TRIM47: variants seen among roughly 807,000 people sequenced by gnomAD.
TRIM47 encodes tripartite motif containing 47, also known as E3 ubiquitin-protein ligase TRIM47.
In TRIM47, 46 loss-of-function variants were observed where a neutral mutation model predicts 54.4. The observed-to-expected ratio is 0.84, with a 90% CI of 0.67 to 1.08. The LOEUF (loss-of-function observed/expected upper bound fraction) is 1.08, where lower values mean the gene tolerates loss of function less well. Ranked by LOEUF, TRIM47 falls within the 50% of genes least tolerant of loss-of-function variation. The pLI, the probability that TRIM47 is intolerant of heterozygous loss-of-function variation, is 0.00. For missense variants in TRIM47, 825 were observed against 910.1 expected (o/e 0.91, Z 1.20); for synonymous variants, 392 against 410.2 (o/e 0.96, Z 0.54).
chr17:75,875,252 G>A lies in TRIM47; in HGVS notation c.1277-129C>T, dbSNP rs968205459. ...TTTCCAACCGGCACAACCCAGCCCC[G>A]CCGGGGACCACCCCAGGAGCTGCCC... is the stretch of plus-strand genomic sequence containing the variant. On this transcript the variant is annotated intron_variant, in intron 5 of 5. Coordinates refer to ENST00000254816, the MANE Select transcript of TRIM47 (RefSeq NM_033452.3). This position sits in a 1 kb window ranked among gnomAD's most constrained non-coding sequence, Gnocchi z 6.1. The A allele has an allele frequency of 2.1e-5, 23 of 1,096,436 alleles. No individual in the cohort carries two copies. The highest frequency in any genetic ancestry group is 3.5e-4 in the Middle Eastern group (1 of 2,844). The allele number at this position is 1,096,436 out of a possible 1,614,324, so 67.9% of individuals were successfully genotyped here.
intron 1 of TRIM47, 98 bp from the exon 2 acceptor site, chr17:75,876,911 G>T: frequency 8.5e-7 from 1 of 1,182,330 alleles, no homozygotes; most frequent in South Asian, 1.3e-5. Flanking sequence ...GGGTGACTGG[G>T]GAGTGGTATC....
Position 75,874,805 on chromosome 17 carries a change from C to T in TRIM47, c.1595G>A (p.Trp532Ter), listed in dbSNP as rs1567834255. 4 of 1,614,086 alleles carry T rather than the reference C, an allele frequency of 2.5e-6. No individual in the cohort carries two copies. The highest frequency in any genetic ancestry group is 3.4e-6 in the Non-Finnish European group (4 of 1,180,028). ...LQWNGRSFSV[W>*]FHGLEAPLPH... is the part of the protein sequence containing the mutation. ...CAGGGGAGCCTCCAGCCCATGAAAC[C>T]AGACGGAGAAGCTGCGTCCATTCCA... The change falls in exon 6 of 6, where the codon TGG (tryptophan) becomes TAG (stop). Residue 532 changes from tryptophan to a stop codon, truncating the protein, a stop_gained. Transcript: ENST00000254816. LOFTEE classifies it high-confidence loss of function. The surrounding 1 kb of genome is among the most constrained non-coding windows in gnomAD (Gnocchi z 6.2).
Position 75,878,204 on chromosome 17 carries a change from G to C in TRIM47, c.345C>G (p.Cys115Trp). 8.1e-7 allele frequency: 1 copy of C among 1,227,898 alleles called. No homozygotes were observed. Among genetic ancestry groups the C allele is most frequent in the Non-Finnish European group, 1.0e-6 (1 of 985,796 alleles). 76.1% of individuals were successfully genotyped at this position (1,227,898 alleles called of 1,614,324 possible). A position where few individuals can be genotyped will look rare whatever the true frequency, so the allele number is the denominator to read the frequency against. Residue 115 changes from cysteine to tryptophan, a missense_variant, in exon 1 of 6, where the codon TGC (cysteine) becomes TGG (tryptophan). By Grantham distance (215) the Cys-to-Trp change is radical. Coordinates refer to ENST00000254816, the MANE Select transcript of TRIM47 (RefSeq NM_033452.3). ...CGCCCGCGGGCCACGGCTCGGGAGC[G>C]CAGGGGGCCGACGGCTCCGGGACAC... ...LPSVPEPSAP[C>W]APEPWPAGEE...
rs775556418 is a variant in TRIM47, at chr17:75,875,929, C to T, written c.1173G>A (p.Glu391=). ...CCGAGTCCAGCTTCTGTGGCCCATC[C>T]TCGTTGCCACCCGGCCCCCTCAGCT... is the stretch of plus-strand genomic sequence containing the variant. ...WEQLRGPGGN[E]DGPQKLDSEA... The change falls in exon 4 of 6, where the codon GAG becomes GAA. Residue 391 remains glutamate, a synonymous_variant. Transcript: ENST00000254816. The surrounding 1 kb of genome is among the most constrained non-coding windows in gnomAD (Gnocchi z 6.1). The T allele has an allele frequency of 3.1e-6, 5 of 1,612,158 alleles. No individual in the cohort carries two copies. Among genetic ancestry groups the T allele is most frequent in the Non-Finnish European group, 4.2e-6 (5 of 1,179,900 alleles).
chr17:75,876,064 C>T lies in TRIM47; in HGVS notation c.1038G>A (p.Gly346=), dbSNP rs1567835138. 6.2e-7 allele frequency: 1 copy of T among 1,601,940 alleles called. No homozygotes were observed. The highest frequency in any genetic ancestry group is 8.5e-7 in the Non-Finnish European group (1 of 1,179,974). Residue 346 remains glycine (G), a synonymous_variant, in exon 4 of 6, where the codon GGG becomes GGA. Transcript: ENST00000254816. The part of the protein sequence containing the change: ...LLALRLALED[G]CGPGPGPPRE... ...TCGGGGGTCCAGGCCCAGGGCCACA[C>T]CCATCCTCCAGGGCCAGCCTTAGTG... is the stretch of plus-strand genomic sequence containing the variant.
At position 75,876,500 on chromosome 17, in the gene TRIM47, G is replaced by T; in HGVS notation, c.772-8C>A. 1 of 1,591,848 alleles carries T rather than the reference G, an allele frequency of 6.3e-7. No homozygotes were observed. Among genetic ancestry groups the T allele is most frequent in the Non-Finnish European group, 8.5e-7 (1 of 1,170,776 alleles). On this transcript the variant is annotated splice_region_variant and splice_polypyrimidine_tract_variant and intron_variant, in intron 2 of 5. Transcript: ENST00000254816. The stretch of plus-strand genomic sequence containing the variant: ...CTCTGCTACGGCTGCACTCTGCACA[G>T]GACGACAGTAGAGGGGGCAATGAGG...
Position 75,876,394 on chromosome 17 carries a change from C to G in TRIM47, c.870G>C (p.Glu290Asp). Residue 290 changes from glutamate (E) to aspartate (D), a missense_variant, in exon 3 of 6, where the codon GAG (glutamate) becomes GAC (aspartate). Physicochemically the swap from Glu to Asp is conservative, Grantham distance 45 (BLOSUM62 2). Transcript: ENST00000254816. ...GGCCTAGCATGGCAGCTTCCCCCTC[C>G]TCGATGAAGCCCAGCACCTGGGTCT... is the stretch of plus-strand genomic sequence containing the variant. ...GFQTQVLGFI[E>D]EGEAAMLGRS... The G allele has an allele frequency of 6.2e-7, 1 of 1,612,380 alleles. No homozygotes were observed. The highest frequency in any genetic ancestry group is 1.7e-5 in the Admixed American group (1 of 60,018).
chr17:75,877,163 G>T (rs2065140764), intron 1 of TRIM47: 1 of 315,098 alleles, frequency 3.2e-6, no homozygotes, highest in Non-Finnish European at 6.1e-6. Flanking sequence ...GTTGGGAGGT[G>T]GGCGGCGGAG....
rs758678437 is a variant in TRIM47, at chr17:75,875,965, G to A, written c.1137C>T (p.Asn379=). Residue 379 remains asparagine, a synonymous_variant, in exon 4 of 6, where the codon AAC becomes AAT. Coordinates refer to ENST00000254816, the MANE Select transcript of TRIM47 (RefSeq NM_033452.3). The surrounding 1 kb of genome is among the most constrained non-coding windows in gnomAD (Gnocchi z 6.1). ...CCGGCCCCCTCAGCTGCTCCCACTGGTTGACGCAGGCCACGGCCAGCATGT... is the reference window on the plus strand; with the variant it reads ...CCGGCCCCCTCAGCTGCTCCCACTGATTGACGCAGGCCACGGCCAGCATGT... ...VRDMLAVACV[N]QWEQLRGPGG... 6.2e-7 allele frequency: 1 copy of A among 1,609,926 alleles called. No homozygotes were observed. Among genetic ancestry groups the A allele is most frequent in the Non-Finnish European group, 8.5e-7 (1 of 1,180,016 alleles).
Position 75,878,068 on chromosome 17 carries a change from G to A in TRIM47, c.481C>T (p.Arg161Cys), listed in dbSNP as rs1426074068. Reference sequence around the variant, plus strand: ...CGGTGTCCGCGGAGGGCGGGGCTGCGCTCGTGCGGGCCCAGGTGCGCGGGG... The same window carrying A: ...CGGTGTCCGCGGAGGGCGGGGCTGCACTCGTGCGGGCCCAGGTGCGCGGGG... Reference protein sequence around the residue: ...FCPAHLGPHERSPALRGHRLV... With the variant: ...FCPAHLGPHECSPALRGHRLV... Residue 161 changes from arginine to cysteine, a missense_variant, in exon 1 of 6, where the codon CGC becomes TGC. Coordinates refer to ENST00000254816, the MANE Select transcript of TRIM47 (RefSeq NM_033452.3). The A allele has an allele frequency of 2.2e-6, 3 of 1,362,822 alleles. No homozygotes were observed. Among genetic ancestry groups the A allele is most frequent in the Non-Finnish European group, 2.8e-6 (3 of 1,062,634 alleles). 84.4% of individuals were successfully genotyped at this position (1,362,822 alleles called of 1,614,324 possible). A position where few individuals can be genotyped will look rare whatever the true frequency, so the allele number is the denominator to read the frequency against.
Position 75,878,392 on chromosome 17 carries a change from G to A in TRIM47, c.157C>T (p.Arg53Cys), listed in dbSNP as rs1479479644. ...AAGGGCTCCTGGCACAGCGGGCAGC[G>A]GGCCGCGCCTCCGGGTCCGCCGGCT... ...SGAGGPGGAARCPLCQEPFPD... is the reference protein window; with the variant it reads ...SGAGGPGGAACCPLCQEPFPD... The change falls in exon 1 of 6, where the codon CGC becomes TGC. Residue 53 changes from arginine to cysteine, a missense_variant. Arg to Cys is a radical substitution (Grantham distance 180). Coordinates refer to ENST00000254816, the MANE Select transcript of TRIM47 (RefSeq NM_033452.3). 3 of 1,419,424 alleles carry A rather than the reference G, an allele frequency of 2.1e-6. No individual in the cohort carries two copies. The highest frequency in any genetic ancestry group is 2.8e-6 in the Non-Finnish European group (3 of 1,080,124). The allele number at this position is 1,419,424 out of a possible 1,614,324, so 87.9% of individuals were successfully genotyped here. A position where few individuals can be genotyped will look rare whatever the true frequency, so the allele number is the denominator to read the frequency against.
rs775272249 is a variant in TRIM47 at position 75,876,803 on chromosome 17, G to A, written c.686C>T (p.Ser229Phe). The A allele has an allele frequency of 4.3e-6, 7 of 1,614,040 alleles. No homozygotes were observed. Among genetic ancestry groups the A allele is most frequent in the Non-Finnish European group, 5.9e-6 (7 of 1,180,026 alleles). Residue 229 changes from serine to phenylalanine, a missense_variant, in exon 2 of 6, where the codon TCC (serine) becomes TTC (phenylalanine). Ser to Phe is a radical substitution (Grantham distance 155, BLOSUM62 -2). Coordinates refer to ENST00000254816, the MANE Select transcript of TRIM47 (RefSeq NM_033452.3). ...GTCCTCCACGGCGCTCAGGACTTTG[G>A]ACTGCTCAGCCTGTGGACAACACCC... ...QERALQEAEQ[S>F]KVLSAVEDRM...
chr17:75,875,271 G>A lies in TRIM47; in HGVS notation c.1276+129C>T. The A allele has an allele frequency of 7.1e-7, 1 of 1,414,524 alleles. No individual in the cohort carries two copies. The highest frequency in any genetic ancestry group is 9.8e-7 in the Non-Finnish European group (1 of 1,024,002). The allele number at this position is 1,414,524 out of a possible 1,614,324, so 87.6% of individuals were successfully genotyped here. On this transcript the variant is annotated intron_variant, in intron 5 of 5. Coordinates refer to ENST00000254816, the MANE Select transcript of TRIM47 (RefSeq NM_033452.3). The surrounding 1 kb of genome is among the most constrained non-coding windows in gnomAD (Gnocchi z 6.1). ...AGCCCCGCCGGGGACCACCCCAGGA[G>A]CTGCCCTAGCTCTCCCCACAAACTG...
rs2065122331 is a variant in TRIM47, at chr17:75,874,776, G to C, written c.1624C>G (p.His542Asp). The change falls in exon 6 of 6, where the codon CAC (histidine) becomes GAC (aspartate). Residue 542 changes from histidine (H) to aspartate (D), a missense_variant. His to Asp is a moderately conservative substitution (Grantham distance 81, BLOSUM62 -1). Coordinates refer to ENST00000254816, the MANE Select transcript of TRIM47 (RefSeq NM_033452.3). The surrounding 1 kb of genome is among the most constrained non-coding windows in gnomAD (Gnocchi z 6.2). ...WFHGLEAPLP[H>D]PFSPTVGVCL... The stretch of plus-strand genomic sequence containing the variant: ...ACCCCAACCGTGGGCGAGAAGGGGT[G>C]GGGCAGGGGAGCCTCCAGCCCATGA... 1 of 1,614,034 alleles carries C rather than the reference G, an allele frequency of 6.2e-7. No homozygotes were observed. Among genetic ancestry groups the C allele is most frequent in the African/African-American group, 1.3e-5 (1 of 75,060 alleles).
rs748056969 is a variant in TRIM47 at position 75,875,891 on chromosome 17, C to T, written c.1201+10G>A. ...GGTGAGTCATCGGGGGGGCGTGGGGCGGTGCCCACCTTCCGAGTCCAGCTT... is the reference window on the plus strand; with the variant it reads ...GGTGAGTCATCGGGGGGGCGTGGGGTGGTGCCCACCTTCCGAGTCCAGCTT... On this transcript the variant is annotated intron_variant, in intron 4 of 5. Coordinates refer to ENST00000254816, the MANE Select transcript of TRIM47 (RefSeq NM_033452.3). This position sits in a 1 kb window ranked among gnomAD's most constrained non-coding sequence, Gnocchi z 6.1. 5.0e-6 allele frequency: 8 copies of T among 1,608,592 alleles called. No homozygotes were observed. The highest frequency in any genetic ancestry group is 1.3e-5 in the African/African-American group (1 of 74,940).
chr17:75,875,157 C>T lies in TRIM47; in HGVS notation c.1277-34G>A. ...GTGGACAGAAGAGAGAGGCAGGGCTCAGGGCCAGGCTCAGAGGGCACGGCC... is the reference window on the plus strand; with the variant it reads ...GTGGACAGAAGAGAGAGGCAGGGCTTAGGGCCAGGCTCAGAGGGCACGGCC... On this transcript the variant is annotated intron_variant, in intron 5 of 5. Transcript: ENST00000254816. This position sits in a 1 kb window ranked among gnomAD's most constrained non-coding sequence, Gnocchi z 6.1. The T allele has an allele frequency of 6.4e-7, 1 of 1,558,454 alleles. No individual in the cohort carries two copies. Among genetic ancestry groups the T allele is most frequent in the Non-Finnish European group, 8.7e-7 (1 of 1,150,596 alleles).
Position 75,875,819 on chromosome 17 carries a change from T to G in TRIM47, c.1201+82A>C. The G allele has an allele frequency of 6.7e-7, 1 of 1,488,298 alleles. No homozygotes were observed. The highest frequency in any genetic ancestry group is 9.0e-7 in the Non-Finnish European group (1 of 1,105,206). 92.2% of individuals were successfully genotyped at this position (1,488,298 alleles called of 1,614,324 possible). ...CCAGGCACAATTTTCCTCCTCCACT[T>G]CTGGATGGGCGCCAGGCCTGGGGGC... is the stretch of plus-strand genomic sequence containing the variant. On this transcript the variant is annotated intron_variant, in intron 4 of 5. Transcript: ENST00000254816. This position sits in a 1 kb window ranked among gnomAD's most constrained non-coding sequence, Gnocchi z 6.1.
Position 75,875,860 on chromosome 17 carries a change from G to A in TRIM47, c.1201+41C>T. 6.3e-7 allele frequency: 1 copy of A among 1,593,084 alleles called. No homozygotes were observed. Among genetic ancestry groups the A allele is most frequent in the Non-Finnish European group, 8.5e-7 (1 of 1,170,568 alleles). On this transcript the variant is annotated intron_variant, in intron 4 of 5. Coordinates refer to ENST00000254816, the MANE Select transcript of TRIM47 (RefSeq NM_033452.3). The surrounding 1 kb of genome is among the most constrained non-coding windows in gnomAD (Gnocchi z 6.1). ...GCCTGGGGGCCTGTGCGAGAGGCTG[G>A]CAGAGGGTGAGTCATCGGGGGGGCG...
rs746895923 is a variant in TRIM47 at position 75,877,873 on chromosome 17, C to T, written c.675+1G>A. On this transcript the variant is annotated splice_donor_variant, in intron 1 of 5. Coordinates refer to ENST00000254816, the MANE Select transcript of TRIM47 (RefSeq NM_033452.3). LOFTEE classifies it high-confidence loss of function. ...CACCCGAGTGTGCCCCCGGAGCCCA[C>T]CTCCTGAAGCGCGCGCTCCTGCTCC... 1.5e-6 allele frequency: 2 copies of T among 1,351,712 alleles called. No individual in the cohort carries two copies. Among genetic ancestry groups the T allele is most frequent in the Non-Finnish European group, 9.5e-7 (1 of 1,053,892 alleles). 83.7% of individuals were successfully genotyped at this position (1,351,712 alleles called of 1,614,324 possible). A position where few individuals can be genotyped will look rare whatever the true frequency, so the allele number is the denominator to read the frequency against.
Sources: allele counts gnomAD v4.1 joint callset, GRCh38; gene constraint gnomAD v4.1.1; non-coding constraint Gnocchi (gnomAD v3.1); transcripts MANE v1.5; gene names NCBI Gene and HGNC (gene_info 2026-07-23, HGNC 2026-07-21).